Variants in ERCC6L2 observed in about 807,000 individuals in gnomAD.
ERCC6L2 encodes the protein ERCC excision repair 6 like 2.
ERCC6L2 carries 77 observed loss-of-function variants against 132.0 expected under a neutral mutation model. That is an observed-to-expected ratio of 0.58 (90% CI 0.49 to 0.71). The LOEUF (loss-of-function observed/expected upper bound fraction) is 0.71, where lower values mean the gene tolerates loss of function less well. ERCC6L2 is among the 30% of genes least tolerant of loss of function. The pLI, the probability that ERCC6L2 is intolerant of heterozygous loss-of-function variation, is 0.00. For synonymous variants in ERCC6L2, 583 were observed against 632.4 expected, an observed-to-expected ratio of 0.92 and a Z score of 1.17; for missense variants, 1,542 against 1,837.6, an observed-to-expected ratio of 0.84 and a Z score of 2.94.
chr9:95,968,421 T>C (rs1194298604), intron 14 of ERCC6L2: 1 of 152,190 alleles, frequency 6.6e-6, no homozygotes, highest in Non-Finnish European at 1.5e-5. Context: ...TTAAAATTAC[T>C]CATTTGTCAT....
At chr9:95,994,563 C>T (rs890326320) in intron 17 of ERCC6L2, among the ~76,000 whole-genome samples, 1 of 152,180 alleles carries the variant, frequency 6.6e-6, no homozygotes, top group Non-Finnish European at 1.5e-5. Flanking sequence ...ACTACTTCCT[C>T]GTGGCCTCCT....
chr9:95,918,269 A>G (rs1829696579), intron 6 of ERCC6L2: 2 of 426,706 alleles, frequency 4.7e-6, no homozygotes, highest in South Asian at 3.9e-5. Flanking sequence ...GACCCACTAC[A>G]GTGTAGCTGT....
At chr9:95,906,599 G>A in intron 3 of ERCC6L2, 1 of 448,632 alleles carries the variant, frequency 2.2e-6, no homozygotes, top group Non-Finnish European at 4.4e-6. Context: ...GAATTTTCCA[G>A]TTCTTTAACT....
At chr9:95,879,138 C>T (rs1289244893) in intron 1 of ERCC6L2, among the ~76,000 whole-genome samples, 1 of 151,766 alleles carries the variant, frequency 6.6e-6, no homozygotes, top group Non-Finnish European at 1.5e-5. Flanking sequence ...AAAAGTGTTC[C>T]TATTTCTCCA....
intron 19 of ERCC6L2, among the ~76,000 whole-genome samples, chr9:96,023,494 C>A (rs1834322677): frequency 6.6e-6 from 1 of 152,200 alleles, no homozygotes; most frequent in Non-Finnish European, 1.5e-5. Flanking sequence ...CTCACTGCTA[C>A]CAGCTTCTGG....
intron 5 of ERCC6L2, 94 bp from the exon 6 acceptor site, chr9:95,916,133 T>A: frequency 2.6e-6 from 3 of 1,162,390 alleles, no homozygotes; most frequent in Non-Finnish European, 2.5e-6. Context: ...TTGTTACCGT[T>A]GATAATCAAG....
intron 19 of ERCC6L2, among the ~76,000 whole-genome samples, chr9:96,025,208 C>T (rs1299716672): frequency 6.6e-6 from 1 of 152,176 alleles, no homozygotes; most frequent in Non-Finnish European, 1.5e-5. Context: ...GGTGTCGAAG[C>T]TCAAGGGACA....
intron 4 of ERCC6L2, among the ~76,000 whole-genome samples, chr9:95,907,989 G>T (rs1829162304): frequency 6.6e-6 from 1 of 152,170 alleles, no homozygotes; most frequent in South Asian, 2.1e-4. Flanking sequence ...TCTTTATCCT[G>T]AGAGCAATAG....
intron 20 of ERCC6L2, among the ~76,000 whole-genome samples, chr9:96,039,815 T>A (rs961094731): frequency 3.3e-5 from 5 of 151,972 alleles, no homozygotes; most frequent in African/African-American, 1.2e-4. Flanking sequence ...CAGAGGATGG[T>A]GTGGCCAAGA....
rs1485399495 is a variant in ERCC6L2, at chr9:95,897,793, A to G, written c.472-56A>G. 4.4e-6 allele frequency: 7 copies of G among 1,581,758 alleles called. No individual in the cohort carries two copies. The African/African-American group carries it at 6.8e-5, about 15-fold the overall frequency. On this transcript the variant is annotated intron_variant, in intron 2 of 18. Transcript: ENST00000653738. Reference sequence around the variant, plus strand: ...ATTGAATAGTCATGTAAGCAGTGAAATTTTGTACGTCATGATACATTATAC... The same window carrying G: ...ATTGAATAGTCATGTAAGCAGTGAAGTTTTGTACGTCATGATACATTATAC...
intron 19 of ERCC6L2, among the ~76,000 whole-genome samples, chr9:96,031,946 T>C (rs1370742259): frequency 6.6e-6 from 1 of 152,232 alleles, no homozygotes; most frequent in Non-Finnish European, 1.5e-5. Context: ...CCACTGACTT[T>C]GGACAACATT....
intron 12 of ERCC6L2, among the ~76,000 whole-genome samples, chr9:95,951,231 A>G (rs1831316774): frequency 6.6e-6 from 1 of 152,230 alleles, no homozygotes; most frequent in East Asian, 1.9e-4. Flanking sequence ...AGGGTTGAAG[A>G]AGAATTCACA....
intron 2 of ERCC6L2, among the ~76,000 whole-genome samples, chr9:95,894,062 C>T (rs73656584): frequency 0.026 from 3,941 of 152,246 alleles, 192 homozygotes; most frequent in African/African-American, 0.09. Context: ...ACCTACTGAA[C>T]GTTATAGCTT....
At chr9:95,905,739 TTTC>T (rs1413289032) in intron 3 of ERCC6L2, among the ~76,000 whole-genome samples, 1 of 152,204 alleles carries the variant, frequency 6.6e-6, no homozygotes, top group Non-Finnish European at 1.5e-5. Flanking sequence ...TTTCTTTCGT[TTTC>T]TTCTTTCTCT....
At chr9:95,900,713 A>G (rs1187490947) in intron 3 of ERCC6L2, among the ~76,000 whole-genome samples, 2 of 151,852 alleles carry the variant, frequency 1.3e-5, no homozygotes, top group Non-Finnish European at 2.9e-5. Context: ...TTGTTTTAAA[A>G]TGTTGCTTAT....
At chr9:95,894,074 G>A (rs1222030737) in intron 2 of ERCC6L2, among the ~76,000 whole-genome samples, 3 of 152,054 alleles carry the variant, frequency 2.0e-5, no homozygotes, top group Admixed American at 1.3e-4. Flanking sequence ...TTATAGCTTA[G>A]CCTATCCTAC....
At chr9:95,913,562 T>G (rs57903271) in intron 4 of ERCC6L2, among the ~76,000 whole-genome samples, 2,976 of 152,266 alleles carry the variant, frequency 0.02, 106 homozygotes, top group African/African-American at 0.069. Context: ...CCCTTGTAAG[T>G]TAGAATGATT....
At position 95,922,436 on chromosome 9, in the gene ERCC6L2, C is replaced by T. The variant is rs571684635; in HGVS notation, c.1413+18C>T. On this transcript the variant is annotated intron_variant, in intron 8 of 18. Coordinates refer to ENST00000653738, the MANE Select transcript of ERCC6L2 (RefSeq NM_020207.7). ...AACAACAGGTTTGGTTAGCATTTTA[C>T]ATTTCTTTGTGATGCTATTGTTGTG... The T allele has an allele frequency of 1.8e-4, 257 of 1,430,172 alleles. 4 individuals are homozygous for T. The South Asian group carries it at 3.0e-3, about 16-fold the overall frequency. 88.6% of individuals were successfully genotyped at this position (1,430,172 alleles called of 1,614,324 possible).
rs1428664780 is a variant in ERCC6L2, at chr9:96,014,130, G to A, written c.*927G>A. ...CTACAGGTAAGGCAGAGCTACCGGT[G>A]AATGAAAGGAAATCATGTCAGTGAA... On this transcript the variant is annotated 3_prime_UTR_variant, in exon 19 of 19. Coordinates refer to ENST00000653738, the MANE Select transcript of ERCC6L2 (RefSeq NM_020207.7). The A allele has an allele frequency of 6.6e-6, 1 of 152,214 alleles. No homozygotes were observed. The highest frequency in any genetic ancestry group is 1.5e-5 in the Non-Finnish European group (1 of 68,040). 9.4% of individuals were successfully genotyped at this position (152,214 alleles called of 1,614,324 possible).
Sources: allele counts gnomAD v4.1 joint callset (sites outside exome capture counted in the v4.1 genomes callset), GRCh38; gene constraint gnomAD v4.1.1; transcripts MANE v1.5; gene names NCBI Gene and HGNC (gene_info 2026-07-23, HGNC 2026-07-21).